The following ATP13A3 variants were observed in gnomAD, a reference collection of about 807,000 sequenced individuals.
ATP13A3 encodes polyamine-transporting ATPase 13A3.
In ATP13A3, 59 loss-of-function variants were observed where a neutral mutation model predicts 158.1. The ratio of observed to expected loss-of-function variants is 0.37; its 90% confidence interval spans 0.30 to 0.46. The LOEUF (loss-of-function observed/expected upper bound fraction) is 0.46, where lower values mean the gene tolerates loss of function less well. ATP13A3 is among the 20% of genes least tolerant of loss of function. The pLI is 1.00. For missense variants in ATP13A3, 1,166 were observed against 1,525.2 expected, an observed-to-expected ratio of 0.76 and a Z score of 3.92; for synonymous variants, 491 against 504.3, an observed-to-expected ratio of 0.97 and a Z score of 0.35.
At chr3:194,409,674 A>G (rs1442886561) in intron 33 of ATP13A3, among the ~76,000 whole-genome samples, 1 of 143,706 alleles carries the variant, frequency 7.0e-6, no homozygotes, top group South Asian at 2.3e-4. Context: ...ATCTTGCTTG[A>G]TAATCACTGA....
chr3:194,448,775 G>GATTA lies in ATP13A3; in HGVS notation c.971-140_971-139insTAAT. ...ATACTGTTTACAATAATCACTGAGA[G>GATTA]TTGTATATGTGGACAACATGGCTTA... On this transcript the variant is annotated intron_variant, in intron 11 of 33. Coordinates refer to ENST00000645319, the MANE Select transcript of ATP13A3 (RefSeq NM_001367549.1). This position sits in a 1 kb window ranked among gnomAD's most constrained non-coding sequence, Gnocchi z 4.0. 3.3e-6 allele frequency: 3 copies of GATTA among 897,478 alleles called. No individual in the cohort carries two copies. The highest frequency in any genetic ancestry group is 4.8e-6 in the Non-Finnish European group (3 of 622,960). The allele number at this position is 897,478 out of a possible 1,614,324, so 55.6% of individuals were successfully genotyped here.
chr3:194,482,759 G>C (rs983861317), intron 2 of ATP13A3, among the ~76,000 whole-genome samples: 1 of 151,820 alleles, frequency 6.6e-6, no homozygotes, highest in Admixed American at 6.6e-5. Flanking sequence ...GATCACTTGA[G>C]GCCAGGAGTT....
Position 194,414,705 on chromosome 3 carries a change from T to G in ATP13A3, c.3403-866A>C, listed in dbSNP as rs1577026652. 4.6e-5 allele frequency among the ~76,000 whole-genome samples: 7 copies of G among 151,940 alleles called. No individual in the cohort carries two copies. The South Asian group carries it at 8.3e-4, about 18-fold the overall frequency. ...AAGAGGAAGAAAAGGCACAGATAAA[T>G]AGACACACACGCATGTACACAAGCA... On this transcript the variant is annotated intron_variant, in intron 31 of 33. Transcript: ENST00000645319.
At chr3:194,478,550 T>G (rs1301227193) in intron 2 of ATP13A3, among the ~76,000 whole-genome samples, 3 of 152,028 alleles carry the variant, frequency 2.0e-5, no homozygotes, top group Admixed American at 6.6e-5. Context: ...GGAAAACAAG[T>G]TATTTAAACT....
intron 32 of ATP13A3, chr3:194,412,813 T>C (rs1378134440): frequency 3.2e-5 from 5 of 154,544 alleles, no homozygotes; most frequent in Admixed American, 2.5e-4. Flanking sequence ...CACATTTCAA[T>C]GGGCAACTTC....
At chr3:194,480,339 C>T (rs934022502) in intron 2 of ATP13A3, among the ~76,000 whole-genome samples, 10 of 152,190 alleles carry the variant, frequency 6.6e-5, no homozygotes, top group Non-Finnish European at 1.5e-4. Flanking sequence ...GGACATAAGA[C>T]TGTTAAGTTT....
At chr3:194,420,982 A>G (rs1478939425) in intron 30 of ATP13A3, among the ~76,000 whole-genome samples, 10 of 149,082 alleles carry the variant, frequency 6.7e-5, no homozygotes, top group Non-Finnish European at 1.5e-4. Flanking sequence ...TCTCAGTGCC[A>G]TTTTTAAACG....
intron 30 of ATP13A3, among the ~76,000 whole-genome samples, chr3:194,420,782 T>C (rs1022809593): frequency 6.6e-6 from 1 of 152,004 alleles, no homozygotes; most frequent in South Asian, 2.1e-4. Flanking sequence ...TAAAAGTGGC[T>C]CCAAAATTTT....
chr3:194,412,412 T>C (rs796625839), intron 32 of ATP13A3, 124 bp from the exon 33 acceptor site: 1 of 737,880 alleles, frequency 1.4e-6, no homozygotes, highest in Non-Finnish European at 2.3e-6. Flanking sequence ...TTTTCATATA[T>C]GGAATTTCAG....
In ATP13A3 at chr3:194,456,053, G is replaced by C. The variant is rs556924490; in HGVS notation, c.561-91C>G. 5.7e-6 allele frequency: 4 copies of C among 702,272 alleles called. No homozygotes were observed. The Admixed American group carries it at 1.3e-4, about 22-fold the overall frequency. The allele number at this position is 702,272 out of a possible 1,614,324, so 43.5% of individuals were successfully genotyped here. ...TGTATTAGGTAAGGCTTAAACCACA[G>C]ACTGTTCTTATTCATGTCTCCAAAC... On this transcript the variant is annotated intron_variant, in intron 7 of 33. Coordinates refer to ENST00000645319, the MANE Select transcript of ATP13A3 (RefSeq NM_001367549.1).
At chr3:194,441,148 A>G (rs184873825) in intron 16 of ATP13A3, among the ~76,000 whole-genome samples, 163 bp downstream of exon 16, 4 of 152,366 alleles carry the variant, frequency 2.6e-5, no homozygotes, top group Middle Eastern at 3.4e-3. Context: ...GATTTTTAAA[A>G]TATTTCTCCA....
upstream of ATP13A3, chr3:194,487,766 T>G (rs1179486879): frequency 6.6e-6 from 1 of 152,296 alleles, no homozygotes; most frequent in Non-Finnish European, 1.5e-5. Flanking sequence ...AGCCTCTGGC[T>G]GCGGCCATCT....
Position 194,460,756 on chromosome 3 carries a change from G to T in ATP13A3, c.127C>A (p.Leu43Ile). 1 of 1,614,126 alleles carries T rather than the reference G, an allele frequency of 6.2e-7. No individual in the cohort carries two copies. Among genetic ancestry groups the T allele is most frequent in the Non-Finnish European group, 8.5e-7 (1 of 1,179,988 alleles). ...SLGVICSGGF[L>I]LLLLYWMPEW... ...GGCATCCAATAGAGGAGGAGGAGGAGAAACCCACCAGAGCAAATCACTCCT... is the reference window on the plus strand; with the variant it reads ...GGCATCCAATAGAGGAGGAGGAGGATAAACCCACCAGAGCAAATCACTCCT... The change falls in exon 4 of 34, where the codon CTC (leucine) becomes ATC (isoleucine). Residue 43 changes from leucine (L) to isoleucine (I), a missense_variant. Coordinates refer to ENST00000645319, the MANE Select transcript of ATP13A3 (RefSeq NM_001367549.1).
chr3:194,438,845 T>A lies in ATP13A3; in HGVS notation c.1827+11A>T. 6.6e-7 allele frequency: 1 copy of A among 1,510,064 alleles called. No individual in the cohort carries two copies. The allele number at this position is 1,510,064 out of a possible 1,614,324, so 93.5% of individuals were successfully genotyped here. ...ACCAACAGTTTTATCTAGCTTTAAG[T>A]GATTTCTCACCATTTCTTGGTTTCC... is the stretch of plus-strand genomic sequence containing the variant. On this transcript the variant is annotated intron_variant, in intron 17 of 33. Transcript: ENST00000645319.
At chr3:194,473,240 C>T (rs558016484) in intron 2 of ATP13A3, among the ~76,000 whole-genome samples, 2 of 152,250 alleles carry the variant, frequency 1.3e-5, no homozygotes, top group Non-Finnish European at 2.9e-5. Context: ...GCCCTGCATT[C>T]ATGTGTCTCA....
At chr3:194,427,479 C>T (rs1716873132) in intron 28 of ATP13A3, among the ~76,000 whole-genome samples, 2 of 151,756 alleles carry the variant, frequency 1.3e-5, no homozygotes, top group Admixed American at 1.3e-4. Context: ...TTTTACATTT[C>T]TATTGAAATT....
chr3:194,431,647 A>G (rs1305413747), intron 22 of ATP13A3, 70 bp downstream of exon 22: 3 of 1,392,864 alleles, frequency 2.2e-6, no homozygotes, highest in Non-Finnish European at 2.8e-6. Flanking sequence ...TTAATGCACC[A>G]CTTTTTTTAT....
At chr3:194,474,911 G>T (rs1437608511) in intron 2 of ATP13A3, among the ~76,000 whole-genome samples, 2 of 152,206 alleles carry the variant, frequency 1.3e-5, no homozygotes, top group African/African-American at 4.8e-5. Flanking sequence ...TAAGTAACGT[G>T]CACTGTTGCT....
At chr3:194,449,381 G>T (rs1004027240) in intron 11 of ATP13A3, among the ~76,000 whole-genome samples, 1 of 151,922 alleles carries the variant, frequency 6.6e-6, no homozygotes, top group African/African-American at 2.4e-5. Context: ...AAATTCACAC[G>T]ATTAAAATAA....
Sources: allele counts gnomAD v4.1 joint callset (sites outside exome capture counted in the v4.1 genomes callset), GRCh38; gene constraint gnomAD v4.1.1; non-coding constraint Gnocchi (gnomAD v3.1); transcripts MANE v1.5; gene names NCBI Gene and HGNC (gene_info 2026-07-23, HGNC 2026-07-21).